COL4A1: variants seen among roughly 807,000 people sequenced by gnomAD.
COL4A1 encodes collagen alpha-1(IV) chain.
A neutral mutation model predicts 216.6 loss-of-function variants in COL4A1; 40 were observed. The observed-to-expected ratio is 0.18, with a 90% CI of 0.14 to 0.24. COL4A1 has a LOEUF of 0.24. COL4A1 is among the 10% of genes least tolerant of loss of function. The pLI is 1.00. For missense variants in COL4A1, 1,628 were observed against 2,196.8 expected (o/e 0.74, Z 5.18); for synonymous variants, 839 against 810.7 (o/e 1.03, Z -0.59).
intron 1 of COL4A1, among the ~76,000 whole-genome samples, chr13:110,283,167 A>T (rs1883705835): frequency 6.6e-6 from 1 of 152,254 alleles, no homozygotes; most frequent in African/African-American, 2.4e-5. Context: ...ACAGAGACTG[A>T]AGAGTAATTA....
At chr13:110,212,142 T>C (rs562944341) in intron 6 of COL4A1, among the ~76,000 whole-genome samples, 1 of 152,380 alleles carries the variant, frequency 6.6e-6, no homozygotes, top group East Asian at 1.9e-4. Flanking sequence ...GGCATTTTCT[T>C]ACGTGATGTA....
At chr13:110,203,463 C>A in intron 18 of COL4A1, 103 bp downstream of exon 18, 1 of 1,333,204 alleles carries the variant, frequency 7.5e-7, no homozygotes, top group Non-Finnish European at 1.1e-6. Context: ...CTCTCACAGA[C>A]CCAGGGTCCT....
chr13:110,275,402 A>T (rs1379372472), intron 1 of COL4A1, among the ~76,000 whole-genome samples: 3 of 152,208 alleles, frequency 2.0e-5, no homozygotes, highest in African/African-American at 7.2e-5. Flanking sequence ...CAGTGACAAT[A>T]CTAAGTGCCG....
intron 1 of COL4A1, among the ~76,000 whole-genome samples, chr13:110,295,513 C>T (rs990579124): frequency 6.6e-6 from 1 of 150,756 alleles, no homozygotes; most frequent in Admixed American, 6.6e-5. Context: ...GCAACCTCCA[C>T]CTCCCCCATT....
intron 2 of COL4A1, among the ~76,000 whole-genome samples, chr13:110,239,983 G>A (rs1038552874): frequency 2.6e-5 from 4 of 152,138 alleles, no homozygotes; most frequent in African/African-American, 9.7e-5. Flanking sequence ...TCAATGCTGT[G>A]TGAACCATAG....
intron 19 of COL4A1, 164 bp downstream of exon 19, chr13:110,201,273 GA>G (rs1887712438): frequency 1.7e-6 from 1 of 583,870 alleles, no homozygotes; most frequent in Non-Finnish European, 3.1e-6. Flanking sequence ...GAAAGAGGAG[GA>G]GGGGGAGGAG....
rs1878438776 is a variant in COL4A1 at position 110,187,150 on chromosome 13, G to A, written c.1716C>T (p.Pro572=). 6.2e-7 allele frequency: 1 copy of A among 1,613,988 alleles called. No individual in the cohort carries two copies. Among genetic ancestry groups the A allele is most frequent in the East Asian group, 2.2e-5 (1 of 44,878 alleles). The part of the protein sequence containing the change: ...GRDGHPGLPG[P]KGSPGSVGLK... ...GAGATAAACATACCGGCGAGCCCTT[G>A]GGGCCAGGAAGACCCGGATGGCCAT... is the stretch of plus-strand genomic sequence containing the variant. Residue 572 remains proline, a synonymous_variant, in exon 25 of 52, where the codon CCC becomes CCT. Transcript: ENST00000375820.
chr13:110,200,115 A>G (rs1343196081), intron 20 of COL4A1, among the ~76,000 whole-genome samples: 1 of 152,244 alleles, frequency 6.6e-6, no homozygotes, highest in African/African-American at 2.4e-5. Context: ...CAAAGCAAAA[A>G]GCGTAAAGGC....
At chr13:110,193,190 G>GCCCTTCTC (rs1182733924) in intron 22 of COL4A1, among the ~76,000 whole-genome samples, 1 of 152,228 alleles carries the variant, frequency 6.6e-6, no homozygotes, top group Non-Finnish European at 1.5e-5. Context: ...TCTTCTCCCA[G>GCCCTTCTC]CGAAAAGACA....
intron 2 of COL4A1, among the ~76,000 whole-genome samples, chr13:110,225,738 G>T (rs1032340815): frequency 6.6e-6 from 1 of 152,178 alleles, no homozygotes; most frequent in South Asian, 2.1e-4. Context: ...GGGTGAGCAC[G>T]CGGAGCTCCG....
At chr13:110,280,306 C>T (rs1259672097) in intron 1 of COL4A1, among the ~76,000 whole-genome samples, 1 of 152,206 alleles carries the variant, frequency 6.6e-6, no homozygotes, top group Admixed American at 6.5e-5. Flanking sequence ...AACAAAAATG[C>T]ACACTTGGTG....
chr13:110,157,726 T>C lies in COL4A1; in HGVS notation c.4641-2329A>G, dbSNP rs182612226. On this transcript the variant is annotated intron_variant, in intron 49 of 51. Transcript: ENST00000375820. The stretch of plus-strand genomic sequence containing the variant: ...GTTAAGTGGGAAATGCTGTGCCCCA[T>C]TGCTTAGACTCTAAGGTTTAGCACC... Among the ~76,000 whole-genome samples, 678 of 152,308 alleles carry C rather than the reference T, an allele frequency of 4.5e-3. 1 individual carries two copies. Among genetic ancestry groups the C allele is most frequent in the Middle Eastern group, 0.02 (6 of 294 alleles).
At chr13:110,263,442 A>G (rs1420805879) in intron 1 of COL4A1, among the ~76,000 whole-genome samples, 1 of 152,142 alleles carries the variant, frequency 6.6e-6, no homozygotes, top group Non-Finnish European at 1.5e-5. Flanking sequence ...CAAGCTGCGT[A>G]TTATTCTTAT....
intron 1 of COL4A1, among the ~76,000 whole-genome samples, chr13:110,252,421 T>C (rs1274323159): frequency 6.8e-6 from 1 of 146,178 alleles, no homozygotes; most frequent in Non-Finnish European, 1.5e-5. Context: ...TATGTGTATA[T>C]GTATTATATA....
At chr13:110,161,467 T>C (rs1877084481) in intron 48 of COL4A1, 98 bp from the exon 49 acceptor site, 3 of 1,288,224 alleles carry the variant, frequency 2.3e-6, no homozygotes, top group Admixed American at 2.0e-5. Flanking sequence ...CAAAAACATA[T>C]AATCAACATA....
intron 1 of COL4A1, among the ~76,000 whole-genome samples, chr13:110,301,768 G>A (rs79037829): frequency 0.026 from 3,897 of 152,284 alleles, 65 homozygotes; most frequent in Middle Eastern, 0.078. Context: ...GTGGAATGCA[G>A]AGATTATCCT....
chr13:110,194,151 G>C (rs145955435), intron 22 of COL4A1, among the ~76,000 whole-genome samples: 20 of 152,316 alleles, frequency 1.3e-4, no homozygotes, highest in African/African-American at 4.6e-4. Context: ...CACTGACTCA[G>C]ATCAGTGGCA....
At chr13:110,256,077 A>C (rs1882550678) in intron 1 of COL4A1, among the ~76,000 whole-genome samples, 1 of 151,998 alleles carries the variant, frequency 6.6e-6, no homozygotes, top group Non-Finnish European at 1.5e-5. Flanking sequence ...TGTATATCTC[A>C]TGTTCTTCTT....
At chr13:110,218,306 C>T (rs910399068) in intron 2 of COL4A1, among the ~76,000 whole-genome samples, 5 of 152,090 alleles carry the variant, frequency 3.3e-5, no homozygotes, top group African/African-American at 1.2e-4. Flanking sequence ...CGGATCTTCA[C>T]AATGGACTGA....
Sources: allele counts gnomAD v4.1 joint callset (sites outside exome capture counted in the v4.1 genomes callset), GRCh38; gene constraint gnomAD v4.1.1; transcripts MANE v1.5; gene names NCBI Gene and HGNC (gene_info 2026-07-23, HGNC 2026-07-21).